Variants in NOVA1 observed in about 807,000 individuals in gnomAD.
NOVA1 encodes NOVA alternative splicing regulator 1, also known as RNA-binding protein Nova-1.
Under a neutral mutation model 38.0 loss-of-function variants are expected in NOVA1, and 7 were observed. The ratio of observed to expected loss-of-function variants is 0.18; its 90% CI spans 0.10 to 0.35. The LOEUF is 0.35. NOVA1 is among the 10% of genes least tolerant of loss of function. The pLI, the probability that NOVA1 is intolerant of heterozygous loss-of-function variation, is 1.00. For synonymous variants in NOVA1, 270 were observed against 232.5 expected (o/e 1.16, Z -1.47); for missense variants, 460 against 616.0 (o/e 0.75, Z 2.68).
chr14:26,466,900 C>A (rs1433845475), intron 4 of NOVA1, among the ~76,000 whole-genome samples: 1 of 152,154 alleles, frequency 6.6e-6, no homozygotes, highest in Non-Finnish European at 1.5e-5. Flanking sequence ...GATGCCAGTG[C>A]CTTGATCTTG....
chr14:26,498,160 C>A (rs888733523), intron 2 of NOVA1, among the ~76,000 whole-genome samples: 4 of 151,918 alleles, frequency 2.6e-5, no homozygotes, highest in African/African-American at 9.7e-5. Flanking sequence ...CCTGGGTTCA[C>A]GCCTTTCTCC....
intron 2 of NOVA1, chr14:26,519,568 G>A (rs1888723374): frequency 6.6e-6 from 1 of 152,068 alleles, no homozygotes; most frequent in Admixed American, 6.5e-5. Context: ...TGCAAAAGAA[G>A]TAGAAAAAAC....
rs577342151 is a variant in NOVA1, at chr14:26,503,736, G to A, written c.281-23593C>T. ...GCAAAAAATATAAAAATTAAACTTA[G>A]GGTTCAACATCCAGAGGTTAGCTAA... On this transcript the variant is annotated intron_variant, in intron 2 of 4. Transcript: ENST00000539517. Among the ~76,000 whole-genome samples, 12 of 151,938 alleles carry A rather than the reference G, an allele frequency of 7.9e-5. No homozygotes were observed. The East Asian group carries it at 2.3e-3, about 29-fold the overall frequency.
At chr14:26,470,545 G>A in intron 4 of NOVA1, 4 of 1,172,888 alleles carry the variant, frequency 3.4e-6, no homozygotes, top group South Asian at 2.6e-5. Flanking sequence ...ACAGAGTATA[G>A]TGGACAGAAT....
chr14:26,507,463 G>C (rs567655229), intron 2 of NOVA1, among the ~76,000 whole-genome samples: 1 of 152,098 alleles, frequency 6.6e-6, no homozygotes, highest in African/African-American at 2.4e-5. Context: ...GTTTTATAAA[G>C]AGTGTTTTTT....
chr14:26,475,975 C>A (rs75047228), intron 3 of NOVA1, among the ~76,000 whole-genome samples: 5,416 of 152,148 alleles, frequency 0.036, 112 homozygotes, highest in Middle Eastern at 0.048. Context: ...CAGCGACGAA[C>A]AACAAATCTC....
At position 26,542,578 on chromosome 14, in the gene NOVA1, T is replaced by C. The variant is rs187012562; in HGVS notation, c.280+52832A>G. On this transcript the variant is annotated intron_variant, in intron 2 of 4. Coordinates refer to ENST00000539517, the MANE Select transcript of NOVA1 (RefSeq NM_002515.3). ...GAAACAGAACTTTACTCCCAATAAA[T>C]ATAACAATTTAATTTTCTATTATAG... is the stretch of plus-strand genomic sequence containing the variant. Among the ~76,000 whole-genome samples the C allele has an allele frequency of 7.5e-4, 114 of 151,898 alleles. 1 individual carries two copies. The Middle Eastern group carries it at 0.01, about 14-fold the overall frequency.
chr14:26,581,230 T>A (rs1893202851), intron 2 of NOVA1, among the ~76,000 whole-genome samples: 1 of 152,098 alleles, frequency 6.6e-6, no homozygotes, highest in African/African-American at 2.4e-5. Context: ...TAAGAAGTAC[T>A]GAACTGATGT....
At chr14:26,501,277 T>A (rs1439481721) in intron 2 of NOVA1, among the ~76,000 whole-genome samples, 1 of 151,954 alleles carries the variant, frequency 6.6e-6, no homozygotes, top group African/African-American at 2.4e-5. Flanking sequence ...GCTAAGATAA[T>A]ATCATTCTTA....
chr14:26,468,756 A>C (rs1884350312), intron 4 of NOVA1, among the ~76,000 whole-genome samples: 1 of 152,186 alleles, frequency 6.6e-6, no homozygotes, highest in Non-Finnish European at 1.5e-5. Flanking sequence ...ACTATATATG[A>C]GCTACCTATT....
chr14:26,465,979 G>C (rs944672428), intron 4 of NOVA1, among the ~76,000 whole-genome samples: 3 of 152,158 alleles, frequency 2.0e-5, no homozygotes, highest in Non-Finnish European at 2.9e-5. Context: ...CAGGAGTACA[G>C]GGGGGGAAGG....
chr14:26,597,490 T>TTTTTC lies in NOVA1; in HGVS notation c.-59_-55dup. On this transcript the variant is annotated 5_prime_UTR_variant, in exon 1 of 5. Transcript: ENST00000539517. ...AGAAGGTTCTCCCTTTTGTTTTGGC[T>TTTTTC]TTTTCTTTTCTTTTTTCTTTTTTTT... is the stretch of plus-strand genomic sequence containing the variant. The TTTTTC allele has an allele frequency of 8.0e-7, 1 of 1,247,282 alleles. No individual in the cohort carries two copies. Among genetic ancestry groups the TTTTTC allele is most frequent in the Non-Finnish European group, 1.0e-6 (1 of 989,192 alleles). The allele number at this position is 1,247,282 out of a possible 1,614,324, so 77.3% of individuals were successfully genotyped here. A position where few individuals can be genotyped will look rare whatever the true frequency, so the allele number is the denominator to read the frequency against.
At chr14:26,591,651 C>T (rs1411812846) in intron 2 of NOVA1, among the ~76,000 whole-genome samples, 3 of 151,428 alleles carry the variant, frequency 2.0e-5, no homozygotes, top group East Asian at 1.9e-4. Context: ...CTCTGATTTG[C>T]AAAAAATTAT....
chr14:26,552,322 C>A (rs895631853), intron 2 of NOVA1, among the ~76,000 whole-genome samples: 1 of 151,820 alleles, frequency 6.6e-6, no homozygotes, highest in Non-Finnish European at 1.5e-5. Context: ...AAGGAATTTT[C>A]GAATGTTTTA....
At chr14:26,588,305 GAAA>G (rs1238209938) in intron 2 of NOVA1, 1 of 150,924 alleles carries the variant, frequency 6.6e-6, no homozygotes, top group Non-Finnish European at 1.5e-5. Flanking sequence ...AAATAAAAAA[GAAA>G]AATATAACAT....
chr14:26,541,777 C>T (rs1566520404), intron 2 of NOVA1, among the ~76,000 whole-genome samples: 1 of 151,618 alleles, frequency 6.6e-6, no homozygotes, highest in African/African-American at 2.4e-5. Flanking sequence ...GGGAAAATCA[C>T]AGGGATAAAC....
chr14:26,464,588 A>C (rs950415125), intron 4 of NOVA1, among the ~76,000 whole-genome samples: 4 of 152,184 alleles, frequency 2.6e-5, no homozygotes, highest in African/African-American at 9.7e-5. Context: ...ATTGTGACAC[A>C]TTTATAGTAA....
chr14:26,501,830 T>C (rs1887263908), intron 2 of NOVA1, among the ~76,000 whole-genome samples: 1 of 151,938 alleles, frequency 6.6e-6, no homozygotes, highest in Non-Finnish European at 1.5e-5. Context: ...CAATCATAAA[T>C]CAAAGTGCCC....
intron 2 of NOVA1, among the ~76,000 whole-genome samples, chr14:26,487,627 T>C (rs1886021267): frequency 6.6e-6 from 1 of 152,124 alleles, no homozygotes; most frequent in South Asian, 2.1e-4. Context: ...TTATACCACA[T>C]ACCTCCTAAG....
Sources: allele counts gnomAD v4.1 joint callset (sites outside exome capture counted in the v4.1 genomes callset), GRCh38; gene constraint gnomAD v4.1.1; transcripts MANE v1.5; gene names NCBI Gene and HGNC (gene_info 2026-07-23, HGNC 2026-07-21).